MZT2B: variants seen among roughly 807,000 people sequenced by gnomAD.
MZT2B encodes the protein mitotic spindle organizing protein 2B.
A neutral mutation model predicts 12.1 loss-of-function variants in MZT2B; 11 were observed. The ratio of observed to expected loss-of-function variants is 0.91; its 90% confidence interval spans 0.57 to 1.50. MZT2B has a LOEUF of 1.50. MZT2B is among the 40% of genes most tolerant of loss of function. The probability of loss-of-function intolerance (pLI) is 0.00; values close to 1 mark genes in which losing one functional copy is unlikely to be tolerated. For synonymous variants in MZT2B, 85 were observed against 109.5 expected, an observed-to-expected ratio of 0.78 and a Z score of 1.40; for missense variants, 209 against 227.7, an observed-to-expected ratio of 0.92 and a Z score of 0.53.
At chr2:130,184,213 G>C in intron 2 of MZT2B, 1 of 1,418,904 alleles carries the variant, frequency 7.0e-7, no homozygotes, top group Non-Finnish European at 9.2e-7. Flanking sequence ...CACCCCAGAG[G>C]CGAACTGTGG....
intron 2 of MZT2B, 105 bp from the exon 3 acceptor site, chr2:130,190,364 A>G (rs2104741837): frequency 6.6e-7 from 1 of 1,525,324 alleles, no homozygotes; most frequent in East Asian, 2.3e-5. Flanking sequence ...AGGGACTTTG[A>G]TGGAAATGTG....
the MZT2B span, among the ~76,000 whole-genome samples, chr2:130,198,842 C>G: frequency 3.2e-5 from 4 of 123,550 alleles, 1 homozygote; most frequent in Non-Finnish European, 7.1e-5. Flanking sequence ...ACAGCAGCAC[C>G]GCAATTATCC....
chr2:130,182,340 G>C lies in MZT2B; in HGVS notation c.58G>C (p.Ala20Pro). 1 of 1,530,348 alleles carries C rather than the reference G, an allele frequency of 6.5e-7. No homozygotes were observed. Among genetic ancestry groups the C allele is most frequent in the Non-Finnish European group, 8.7e-7 (1 of 1,143,952 alleles). The allele number at this position is 1,530,348 out of a possible 1,614,324, so 94.8% of individuals were successfully genotyped here. A position where few individuals can be genotyped will look rare whatever the true frequency, so the allele number is the denominator to read the frequency against. The change falls in exon 1 of 3, where the codon GCG becomes CCG. Residue 20 changes from alanine (A) to proline (P), a missense_variant. By Grantham distance (27) the Ala-to-Pro change is conservative. Transcript: ENST00000281871. ...PGSAAPPGLE[A>P]ARQKLALRRK... is the part of the protein sequence containing the mutation. ...GTCGGCGGCGCCCCCGGGGCTGGAG[G>C]CGGCCCGGCAGAAGCTGGCGCTGCG...
In MZT2B at chr2:130,182,659, C is replaced by G. The variant is rs1427360128; in HGVS notation, c.203C>G (p.Ala68Gly). 2.6e-6 allele frequency: 4 copies of G among 1,550,602 alleles called. No homozygotes were observed. Among genetic ancestry groups the G allele is most frequent in the Non-Finnish European group, 2.6e-6 (3 of 1,148,092 alleles). The part of the protein sequence containing the change: ...ILVDLLKLNV[A>G]PLAVFQMLKS... The stretch of plus-strand genomic sequence containing the variant: ...GTGGACCTGCTGAAGCTGAACGTGG[C>G]CCCCCTCGCCGTCTTCCAGATGCTC... Residue 68 changes from alanine (A) to glycine (G), a missense_variant, in exon 2 of 3, where the codon GCC becomes GGC. Ala to Gly is a moderately conservative substitution (Grantham distance 60, BLOSUM62 0). Coordinates refer to ENST00000281871, the MANE Select transcript of MZT2B (RefSeq NM_025029.5).
downstream of MZT2B, among the ~76,000 whole-genome samples, chr2:130,192,565 A>T (rs1293656962): frequency 1.3e-5 from 2 of 152,200 alleles, no homozygotes; most frequent in Non-Finnish European, 2.9e-5. Context: ...AAAACAAGCC[A>T]CTGTGGATAT....
At chr2:130,196,507 G>A in the MZT2B span, 1 of 1,209,278 alleles carries the variant, frequency 8.3e-7, no homozygotes, top group Non-Finnish European at 1.1e-6. Flanking sequence ...TTCCTAGGAG[G>A]GTTAGTGACT....
rs758167783 is a variant in MZT2B, at chr2:130,190,626, G to A, written c.477G>A (p.Ter159=). The change falls in exon 3 of 3, where the codon TAG becomes TAA. Residue 159 remains the stop codon, a stop_retained_variant. Coordinates refer to ENST00000281871, the MANE Select transcript of MZT2B (RefSeq NM_025029.5). ...AGAGCCCTACACGGGGCAGCACCTAGGATGGGGCAGAGACTTGTTGCATCT... is the reference window on the plus strand; with the variant it reads ...AGAGCCCTACACGGGGCAGCACCTAAGATGGGGCAGAGACTTGTTGCATCT... ...PGKSPTRGST[*] is the part of the protein sequence containing the mutation. 3 of 1,602,188 alleles carry A rather than the reference G, an allele frequency of 1.9e-6. No homozygotes were observed. The highest frequency in any genetic ancestry group is 2.2e-5 in the South Asian group (2 of 90,778).
At chr2:130,190,754 G>GTTTT (rs796189168), downstream of MZT2B, 23 of 1,174,768 alleles carry the variant, frequency 2.0e-5, no homozygotes, top group Middle Eastern at 3.3e-4. Flanking sequence ...TTTTTTTTTT[G>GTTTT]TTTTTTTTTT....
At chr2:130,196,214 C>A in the MZT2B span, 13 of 1,614,002 alleles carry the variant, frequency 8.1e-6, no homozygotes, top group Middle Eastern at 1.7e-4. Flanking sequence ...TCCAGTCTCA[C>A]TGAAGAACGT....
At chr2:130,196,142 C>A in the MZT2B span, 2 of 1,609,390 alleles carry the variant, frequency 1.2e-6, no homozygotes, top group South Asian at 1.1e-5. Flanking sequence ...AGTGCCCAGG[C>A]ACCTACCGAC....
At chr2:130,197,995 C>T in the MZT2B span, among the ~76,000 whole-genome samples, 3 of 123,352 alleles carry the variant, frequency 2.4e-5, 1 homozygote, top group East Asian at 2.6e-4. Context: ...AGCCCCAACC[C>T]CCGTCACCGA....
At chr2:130,198,595 G>C in the MZT2B span, 1 of 474,888 alleles carries the variant, frequency 2.1e-6, no homozygotes, top group Non-Finnish European at 3.5e-6. Context: ...ATGCAGGATT[G>C]GCGGGAAGGC....
chr2:130,183,068 C>G, intron 2 of MZT2B: 1 of 542,172 alleles, frequency 1.8e-6, no homozygotes, highest in South Asian at 2.3e-5. Context: ...CCTACAACGT[C>G]GGGAATCAAG....
chr2:130,183,186 G>A (rs1316621241), intron 2 of MZT2B: 5 of 310,012 alleles, frequency 1.6e-5, no homozygotes, highest in African/African-American at 8.9e-5. Flanking sequence ...GACAGGGTGA[G>A]ATCCTGTCTC....
At chr2:130,204,056 C>G in the MZT2B span, 41 of 657,438 alleles carry the variant, frequency 6.2e-5, no homozygotes, top group African/African-American at 6.9e-4. Flanking sequence ...TGGCTTTAAT[C>G]TGTAACCAGC....
At chr2:130,191,141 G>A (rs554959329), downstream of MZT2B, among the ~76,000 whole-genome samples, 9 of 152,086 alleles carry the variant, frequency 5.9e-5, no homozygotes, top group Non-Finnish European at 1.2e-4. Context: ...TAGTAGAGAC[G>A]GGGTTTCACT....
intron 2 of MZT2B, chr2:130,183,861 G>T (rs1488598533): frequency 1.3e-6 from 2 of 1,550,452 alleles, no homozygotes; most frequent in African/African-American, 2.7e-5. Context: ...GCAGCCTGCG[G>T]CCTCTCCGGT....
At chr2:130,183,649 C>T in intron 2 of MZT2B, 1 of 1,418,496 alleles carries the variant, frequency 7.0e-7, no homozygotes, top group Non-Finnish European at 9.7e-7. Flanking sequence ...GCGTGGAGAG[C>T]AGGCTGCCTT....
chr2:130,198,276 C>G, the MZT2B span: 3 of 1,323,242 alleles, frequency 2.3e-6, no homozygotes, highest in Non-Finnish European at 2.1e-6. Flanking sequence ...AGCGCCCAGG[C>G]CCGCAACAAC....
Sources: allele counts gnomAD v4.1 joint callset (sites outside exome capture counted in the v4.1 genomes callset), GRCh38; gene constraint gnomAD v4.1.1; transcripts MANE v1.5; gene names NCBI Gene and HGNC (gene_info 2026-07-23, HGNC 2026-07-21).